Variants in KDSR observed in about 807,000 individuals in gnomAD.
KDSR encodes the protein 3-ketodihydrosphingosine reductase, also known as 3-dehydrosphinganine reductase.
A neutral mutation model predicts 41.3 loss-of-function variants in KDSR; 23 were observed. That is an observed-to-expected ratio of 0.56 (90% CI 0.40 to 0.79). The LOEUF (loss-of-function observed/expected upper bound fraction) is 0.79, where lower values mean the gene tolerates loss of function less well. KDSR is among the 30% of genes least tolerant of loss of function. The pLI, the probability that KDSR is intolerant of heterozygous loss-of-function variation, is 0.00. For synonymous variants in KDSR, 138 were observed against 151.7 expected (o/e 0.91, Z 0.66); for missense variants, 351 against 416.8 (o/e 0.84, Z 1.37).
chr18:63,360,503 C>G (rs1914928409), intron 2 of KDSR, among the ~76,000 whole-genome samples: 1 of 152,128 alleles, frequency 6.6e-6, no homozygotes. Context: ...CTGAATATGT[C>G]TATAATGAAA....
intron 6 of KDSR, chr18:63,344,696 T>TA: frequency 2.0e-6 from 1 of 509,480 alleles, no homozygotes; most frequent in Non-Finnish European, 3.5e-6. Flanking sequence ...CACCCTAACC[T>TA]GGACCCCAGA....
At position 63,331,157 on chromosome 18, in the gene KDSR, T is replaced by C. The variant is rs533642615; in HGVS notation, c.*625A>G. Reference sequence around the variant, plus strand: ...ATCAAAGAGAGAGAGAAGCCATGAGTTTCCACCAGCAGCAGAGTGAGTCCT... The same window carrying C: ...ATCAAAGAGAGAGAGAAGCCATGAGCTTCCACCAGCAGCAGAGTGAGTCCT... On this transcript the variant is annotated 3_prime_UTR_variant, in exon 10 of 10. Transcript: ENST00000645214. 3 of 232,758 alleles carry C rather than the reference T, an allele frequency of 1.3e-5. No individual in the cohort carries two copies. Among genetic ancestry groups the C allele is most frequent in the East Asian group, 1.2e-4 (2 of 16,552 alleles). 14.4% of individuals were successfully genotyped at this position (232,758 alleles called of 1,614,324 possible). A position where few individuals can be genotyped will look rare whatever the true frequency, so the allele number is the denominator to read the frequency against.
intron 1 of KDSR, among the ~76,000 whole-genome samples, chr18:63,364,531 C>T (rs1276827023): frequency 6.6e-6 from 1 of 151,994 alleles, no homozygotes; most frequent in African/African-American, 2.4e-5. Context: ...GCAACCTCCG[C>T]CTCCCAGGTT....
intron 2 of KDSR, among the ~76,000 whole-genome samples, chr18:63,361,067 T>C (rs1484298278): frequency 1.2e-5 from 1 of 86,912 alleles, no homozygotes; most frequent in Non-Finnish European, 2.2e-5. Context: ...TATGTAAATA[T>C]ATATACACAC....
chr18:63,366,976 G>T, intron 1 of KDSR, 35 bp downstream of exon 1: 1 of 1,178,926 alleles, frequency 8.5e-7, no homozygotes, highest in Middle Eastern at 2.1e-4. Context: ...CGCGCGGGCC[G>T]GTAAGTCGGG....
rs1279527120 is a variant in KDSR at position 63,329,997 on chromosome 18, T to C, written c.*1785A>G. 3 of 188,072 alleles carry C rather than the reference T, an allele frequency of 1.6e-5. No individual in the cohort carries two copies. The highest frequency in any genetic ancestry group is 3.4e-5 in the Non-Finnish European group (3 of 89,148). 11.7% of individuals were successfully genotyped at this position (188,072 alleles called of 1,614,324 possible). A position where few individuals can be genotyped will look rare whatever the true frequency, so the allele number is the denominator to read the frequency against. On this transcript the variant is annotated 3_prime_UTR_variant, in exon 10 of 10. Coordinates refer to ENST00000645214, the MANE Select transcript of KDSR (RefSeq NM_002035.4). ...CTGGCATCAACCCATCCTTACAAGCTGCAATGAAATCATTCCAAGCAATTT... is the reference window on the plus strand; with the variant it reads ...CTGGCATCAACCCATCCTTACAAGCCGCAATGAAATCATTCCAAGCAATTT...
chr18:63,329,615 G>A lies in KDSR; in HGVS notation c.*2167C>T, dbSNP rs181718459. ...GGGATAGGGACAATTGTCTTCTACCGCAAAACAGGGGCTCTCAACAGGTGC... is the reference window on the plus strand; with the variant it reads ...GGGATAGGGACAATTGTCTTCTACCACAAAACAGGGGCTCTCAACAGGTGC... On this transcript the variant is annotated 3_prime_UTR_variant, in exon 10 of 10. Transcript: ENST00000645214. 3.0e-4 allele frequency: 60 copies of A among 200,100 alleles called. No homozygotes were observed. Among genetic ancestry groups the A allele is most frequent in the Non-Finnish European group, 3.9e-4 (38 of 96,966 alleles). 12.4% of individuals were successfully genotyped at this position (200,100 alleles called of 1,614,324 possible).
chr18:63,348,323 T>TAA (rs11335269), intron 6 of KDSR, among the ~76,000 whole-genome samples: 2 of 138,186 alleles, frequency 1.4e-5, no homozygotes, highest in African/African-American at 2.8e-5. Context: ...AAATAAAAAT[T>TAA]AAAAAAAAAA....
chr18:63,335,419 G>T, intron 8 of KDSR, 61 bp from the exon 9 acceptor site: 1 of 1,135,618 alleles, frequency 8.8e-7, no homozygotes, highest in Non-Finnish European at 1.3e-6. Flanking sequence ...GAAATCAGTC[G>T]GACACATCAG....
At chr18:63,355,376 A>G in intron 4 of KDSR, 77 bp from the exon 5 acceptor site, 1 of 1,604,028 alleles carries the variant, frequency 6.2e-7, no homozygotes, top group East Asian at 2.2e-5. Context: ...GCTGATAAAT[A>G]AAATTTACAA....
intron 5 of KDSR, among the ~76,000 whole-genome samples, chr18:63,353,536 G>A (rs1369432709): frequency 3.3e-5 from 5 of 152,116 alleles, no homozygotes; most frequent in Non-Finnish European, 7.4e-5. Flanking sequence ...TGAGACAGGA[G>A]TAGGGACTAA....
In KDSR at chr18:63,367,002, G is replaced by A. The variant is rs1915159159; in HGVS notation, c.108+9C>T. On this transcript the variant is annotated intron_variant, in intron 1 of 9. Coordinates refer to ENST00000645214, the MANE Select transcript of KDSR (RefSeq NM_002035.4). ...GTAAGTCGGGGGGCAGCAACAGGAG[G>A]CCACTCACCACCACATGCGCCCCGG... 1 of 1,289,292 alleles carries A rather than the reference G, an allele frequency of 7.8e-7. No homozygotes were observed. Among genetic ancestry groups the A allele is most frequent in the Non-Finnish European group, 1.0e-6 (1 of 1,001,482 alleles). The allele number at this position is 1,289,292 out of a possible 1,614,324, so 79.9% of individuals were successfully genotyped here. A position where few individuals can be genotyped will look rare whatever the true frequency, so the allele number is the denominator to read the frequency against.
At chr18:63,366,984 G>T (rs912603591) in intron 1 of KDSR, 27 bp downstream of exon 1, 3 of 1,216,282 alleles carry the variant, frequency 2.5e-6, no homozygotes, top group Non-Finnish European at 2.1e-6. Context: ...CCGGTAAGTC[G>T]GGGGGCAGCA....
In KDSR at chr18:63,340,362, A is replaced by AG. The variant is rs561418907; in HGVS notation, c.694-1480dup. Among the ~76,000 whole-genome samples the AG allele has an allele frequency of 3.5e-3, 538 of 152,350 alleles. 7 individuals are homozygous for AG. The highest frequency in any genetic ancestry group is 0.021 in the South Asian group (102 of 4,830). The stretch of plus-strand genomic sequence containing the variant: ...AAGGCAGAGCCAAAGAGAAAAGAAT[A>AG]GGGGGAAAAAACCTAAATCACAAAC... On this transcript the variant is annotated intron_variant, in intron 7 of 9. Coordinates refer to ENST00000645214, the MANE Select transcript of KDSR (RefSeq NM_002035.4).
intron 3 of KDSR, among the ~76,000 whole-genome samples, chr18:63,357,589 TA>T (rs1329198721): frequency 3.3e-4 from 23 of 70,470 alleles, no homozygotes; most frequent in African/African-American, 8.0e-4. Flanking sequence ...TATATATATA[TA>T]TATATTTTTT....
Position 63,330,213 on chromosome 18 carries a change from G to A in KDSR, c.*1569C>T. 5.0e-6 allele frequency: 1 copy of A among 201,788 alleles called. No homozygotes were observed. Among genetic ancestry groups the A allele is most frequent in the Non-Finnish European group, 1.0e-5 (1 of 98,092 alleles). 12.5% of individuals were successfully genotyped at this position (201,788 alleles called of 1,614,324 possible). On this transcript the variant is annotated 3_prime_UTR_variant, in exon 10 of 10. Transcript: ENST00000645214. The stretch of plus-strand genomic sequence containing the variant: ...TATAATTTTTAGGTCTTCAATTTTT[G>A]TATAGAGTTTTTATGTTTTTTAAGT...
Position 63,329,704 on chromosome 18 carries a change from T to A in KDSR, c.*2078A>T, listed in dbSNP as rs144805736. The A allele has an allele frequency of 2.2e-4, 42 of 193,646 alleles. No individual in the cohort carries two copies. Among genetic ancestry groups the A allele is most frequent in the African/African-American group, 9.5e-4 (41 of 43,194 alleles). 12.0% of individuals were successfully genotyped at this position (193,646 alleles called of 1,614,324 possible). A position where few individuals can be genotyped will look rare whatever the true frequency, so the allele number is the denominator to read the frequency against. Reference sequence around the variant, plus strand: ...GAGGCAACAGGTTCTATGAGGATAATTTGAAAAAATATATTGAAATAACTA... The same window carrying A: ...GAGGCAACAGGTTCTATGAGGATAAATTGAAAAAATATATTGAAATAACTA... On this transcript the variant is annotated 3_prime_UTR_variant, in exon 10 of 10. Transcript: ENST00000645214.
rs757118819 is a variant in KDSR, at chr18:63,339,474, C to T, written c.694-591G>A. 2.5e-4 allele frequency among the ~76,000 whole-genome samples: 38 copies of T among 152,334 alleles called. No individual in the cohort carries two copies. The Middle Eastern group carries it at 0.01, about 41-fold the overall frequency. ...ACAGAAGGAGCCACTTAGGAGATAA[C>T]CCTGAGTGGTCCCTAGATGGGCTGC... On this transcript the variant is annotated intron_variant, in intron 7 of 9. Transcript: ENST00000645214.
intron 5 of KDSR, 25 bp from the exon 6 acceptor site, chr18:63,351,104 G>A (rs1421354618): frequency 1.3e-6 from 2 of 1,580,728 alleles, no homozygotes; most frequent in African/African-American, 2.7e-5. Flanking sequence ...GAGGCCACAT[G>A]AGGTCAAAAG....
Sources: allele counts gnomAD v4.1 joint callset (sites outside exome capture counted in the v4.1 genomes callset), GRCh38; gene constraint gnomAD v4.1.1; transcripts MANE v1.5; gene names NCBI Gene and HGNC (gene_info 2026-07-23, HGNC 2026-07-21).